The following ATG7 variants were observed in gnomAD, a reference collection of about 807,000 sequenced individuals.
The protein encoded by ATG7 is ubiquitin-like modifier-activating enzyme ATG7.
Under a neutral mutation model 82.4 loss-of-function variants are expected in ATG7, and 70 were observed. That is an observed-to-expected ratio of 0.85 (90% CI 0.70 to 1.04). The LOEUF is 1.04. Ranked by LOEUF, ATG7 falls within the 50% of genes least tolerant of loss-of-function variation. The probability of loss-of-function intolerance (pLI) is 0.00; values close to 1 mark genes in which losing one functional copy is unlikely to be tolerated. For synonymous variants in ATG7, 287 were observed against 313.0 expected, an observed-to-expected ratio of 0.92 and a Z score of 0.88; for missense variants, 792 against 864.3, an observed-to-expected ratio of 0.92 and a Z score of 1.05.
At chr3:11,366,850 C>G (rs1056104063) in intron 18 of ATG7, among the ~76,000 whole-genome samples, 2 of 152,022 alleles carry the variant, frequency 1.3e-5, no homozygotes, top group African/African-American at 4.8e-5. Context: ...TTGTCATTCA[C>G]CAACTCTTCT....
the ATG7 span, among the ~76,000 whole-genome samples, chr3:11,562,690 A>G: frequency 6.6e-6 from 1 of 152,214 alleles, no homozygotes; most frequent in East Asian, 1.9e-4. Flanking sequence ...AATGGTTACG[A>G]CATGAATGAC....
intron 20 of ATG7, among the ~76,000 whole-genome samples, chr3:11,470,364 G>C (rs911254142): frequency 6.6e-6 from 1 of 152,246 alleles, no homozygotes; most frequent in East Asian, 1.9e-4. Flanking sequence ...TGGATGGCTT[G>C]TGAGTGTACT....
chr3:11,408,692 A>T (rs1443609037), intron 19 of ATG7, among the ~76,000 whole-genome samples: 2 of 152,152 alleles, frequency 1.3e-5, no homozygotes, highest in Non-Finnish European at 2.9e-5. Context: ...TGTACAGGGG[A>T]ACGCCTCGTT....
chr3:11,311,530 A>C (rs1339296955), intron 7 of ATG7, among the ~76,000 whole-genome samples: 1 of 148,020 alleles, frequency 6.8e-6, no homozygotes, highest in Non-Finnish European at 1.5e-5. Flanking sequence ...TGAACCTGGG[A>C]GGTGGAGGTT....
At chr3:11,536,595 C>T (rs1322721162) in intron 20 of ATG7, among the ~76,000 whole-genome samples, 1 of 152,228 alleles carries the variant, frequency 6.6e-6, no homozygotes. Flanking sequence ...CGCCACCCAT[C>T]TGTTTTCAGA....
At position 11,274,487 on chromosome 3, in the gene ATG7, C is replaced by T. The variant is rs190050456; in HGVS notation, c.-366+2057C>T. 6.6e-5 allele frequency among the ~76,000 whole-genome samples: 10 copies of T among 152,098 alleles called. No individual in the cohort carries two copies. In the East Asian group the frequency reaches 1.2e-3, roughly 18 times the overall value. On this transcript the variant is annotated intron_variant, in intron 1 of 20. Coordinates refer to ENST00000693202, the MANE Select transcript of ATG7 (RefSeq NM_001349232.2). ...GAGATCTGACAGGTGAAGAGTGGTT[C>T]GAAGTGAGATGAGCAAAGGGCTAGA...
intron 14 of ATG7, 57 bp from the exon 15 acceptor site, chr3:11,358,361 C>G (rs2076068338): frequency 3.3e-6 from 5 of 1,530,814 alleles, no homozygotes; most frequent in Non-Finnish European, 4.4e-6. Context: ...AGTGTGGGCT[C>G]TGAGATATTA....
downstream of ATG7, among the ~76,000 whole-genome samples, chr3:11,559,907 T>C (rs1042678627): frequency 6.6e-6 from 1 of 152,148 alleles, no homozygotes; most frequent in Non-Finnish European, 1.5e-5. Context: ...TGGAAGCATT[T>C]TGCTTGAGCC....
At chr3:11,405,594 T>C (rs2080249150) in intron 19 of ATG7, among the ~76,000 whole-genome samples, 1 of 152,166 alleles carries the variant, frequency 6.6e-6, no homozygotes, top group Non-Finnish European at 1.5e-5. Flanking sequence ...AATTATATTT[T>C]ACAAGTAGTA....
rs34251925 is a variant in ATG7, at chr3:11,486,820, G to GTTT, written c.2079+59912_2079+59914dup. ...TCATGTGGTTTTTGTCTTTGGTTCT[G>GTTT]TTTTTTTTTTTTTTTTTTTTAATTT... On this transcript the variant is annotated intron_variant, in intron 20 of 20. Transcript: ENST00000693202. Among the ~76,000 whole-genome samples, 35 of 131,986 alleles carry GTTT rather than the reference G, an allele frequency of 2.7e-4. No homozygotes were observed. The East Asian group carries it at 3.2e-3, about 12-fold the overall frequency. The allele number at this position is 131,986 out of a possible 152,430, so 86.6% of individuals were successfully genotyped here. A position where few individuals can be genotyped will look rare whatever the true frequency, so the allele number is the denominator to read the frequency against.
chr3:11,478,717 A>AC, intron 20 of ATG7, among the ~76,000 whole-genome samples: 1 of 151,924 alleles, frequency 6.6e-6, no homozygotes, highest in Non-Finnish European at 1.5e-5. Flanking sequence ...AAAGAAAAAC[A>AC]CCCCCACCCC....
At chr3:11,440,739 A>C (rs1400813882) in intron 20 of ATG7, among the ~76,000 whole-genome samples, 9 of 113,246 alleles carry the variant, frequency 7.9e-5, no homozygotes, top group African/African-American at 3.1e-4. Context: ...GCTGGAGTGC[A>C]ATGGTGCAAT....
At chr3:11,550,235 G>A (rs1343908008) in intron 20 of ATG7, among the ~76,000 whole-genome samples, 1 of 150,726 alleles carries the variant, frequency 6.6e-6, no homozygotes, top group African/African-American at 2.4e-5. Context: ...TTTTTTTCTG[G>A]TTAGTACTTT....
intron 20 of ATG7, among the ~76,000 whole-genome samples, chr3:11,492,412 A>G (rs548249572): frequency 6.6e-6 from 1 of 152,284 alleles, no homozygotes; most frequent in South Asian, 2.1e-4. Flanking sequence ...AAATGCAGAA[A>G]TCACCCGTCT....
At chr3:11,418,715 G>A (rs2081642443) in intron 19 of ATG7, among the ~76,000 whole-genome samples, 1 of 152,168 alleles carries the variant, frequency 6.6e-6, no homozygotes, top group Non-Finnish European at 1.5e-5. Context: ...GAGCAGTGGT[G>A]TCTTAGCCTG....
At chr3:11,570,866 A>G in the ATG7 span, among the ~76,000 whole-genome samples, 2 of 152,120 alleles carry the variant, frequency 1.3e-5, no homozygotes, top group Non-Finnish European at 2.9e-5. Context: ...TGAACTCATC[A>G]CCGTGGCTTC....
chr3:11,421,562 A>G (rs1031421125), intron 19 of ATG7, among the ~76,000 whole-genome samples: 3 of 152,138 alleles, frequency 2.0e-5, no homozygotes, highest in African/African-American at 7.2e-5. Flanking sequence ...CACCACACCT[A>G]CAGTGACTTC....
chr3:11,417,807 T>TA (rs768786787), intron 19 of ATG7, among the ~76,000 whole-genome samples: 77,943 of 124,576 alleles, frequency 0.63, 24,033 homozygotes, highest in East Asian at 0.72. Context: ...ATTATTTTAT[T>TA]TTATTTTATT....
chr3:11,292,186 G>A (rs1011484460), intron 3 of ATG7, among the ~76,000 whole-genome samples: 1 of 152,090 alleles, frequency 6.6e-6, no homozygotes, highest in Non-Finnish European at 1.5e-5. Context: ...TCTGGAAGCT[G>A]AATCCTGGTT....
Sources: allele counts gnomAD v4.1 joint callset (sites outside exome capture counted in the v4.1 genomes callset), GRCh38; gene constraint gnomAD v4.1.1; transcripts MANE v1.5; gene names NCBI Gene and HGNC (gene_info 2026-07-23, HGNC 2026-07-21).